The following NEIL1 variants were observed in gnomAD, a reference collection of about 807,000 sequenced individuals.
NEIL1 encodes endonuclease 8-like 1.
NEIL1 carries 31 observed loss-of-function variants against 44.2 expected under a neutral mutation model. That is an observed-to-expected ratio of 0.70 (90% CI 0.53 to 0.95). The LOEUF (loss-of-function observed/expected upper bound fraction) is 0.95, where lower values mean the gene tolerates loss of function less well. Ranked by LOEUF, NEIL1 falls within the 40% of genes least tolerant of loss-of-function variation. The pLI, the probability that NEIL1 is intolerant of heterozygous loss-of-function variation, is 0.00. For missense variants in NEIL1, 549 were observed against 515.5 expected, an observed-to-expected ratio of 1.07 and a Z score of -0.63; for synonymous variants, 254 against 209.7, an observed-to-expected ratio of 1.21 and a Z score of -1.83.
chr15:75,349,245 T>TTCG lies in NEIL1; in HGVS notation c.342_344dup (p.Val115dup). 1.9e-6 allele frequency: 3 copies of TTCG among 1,611,118 alleles called. No homozygotes were observed. The highest frequency in any genetic ancestry group is 2.5e-6 in the Non-Finnish European group (3 of 1,179,864). Reference sequence around the variant, plus strand: ...GCCTGGCCCCCGGCTCGCCCTATGTTTCGTGGACATCCGCCGGTTCGGCCG... The same window carrying TTCG: ...GCCTGGCCCCCGGCTCGCCCTATGTTTCGTCGTGGACATCCGCCGGTTCGGCCG... On this transcript the variant is annotated inframe_insertion, in exon 2 of 10. Coordinates refer to ENST00000355059, the MANE Select transcript of NEIL1 (RefSeq NM_024608.4).
chr15:75,352,600 A>C lies in NEIL1; in HGVS notation c.619-2A>C, dbSNP rs2072004227. ...CAGGTCCTGCCCCTGCCCCTTCCTC[A>C]GAGCCCGGAGCTGACCCTGAGCCAG... On this transcript the variant is annotated splice_acceptor_variant, in intron 4 of 9. Coordinates refer to ENST00000355059, the MANE Select transcript of NEIL1 (RefSeq NM_024608.4). LOFTEE classifies it high-confidence loss of function. The C allele has an allele frequency of 6.2e-7, 1 of 1,612,480 alleles. No homozygotes were observed. The highest frequency in any genetic ancestry group is 2.2e-5 in the East Asian group (1 of 44,730).
At position 75,354,703 on chromosome 15, in the gene NEIL1, A is replaced by T; in HGVS notation, c.987A>T (p.Arg329Ser). ...CTTCCAGGACACGAAGGGCAAAGAG[A>T]GACCTTCCTAAGAGGACTGCAACCC... ...KAPSRTRRAKRDLPKRTATQR... is the reference protein window; with the variant it reads ...KAPSRTRRAKSDLPKRTATQR... The change falls in exon 9 of 10, where the codon AGA becomes AGT. Residue 329 changes from arginine to serine, a missense_variant. Transcript: ENST00000355059. 1 of 1,614,146 alleles carries T rather than the reference A, an allele frequency of 6.2e-7. No individual in the cohort carries two copies. The highest frequency in any genetic ancestry group is 1.1e-5 in the South Asian group (1 of 91,076).
At chr15:75,348,852 C>G in intron 1 of NEIL1, 32 bp from the exon 2 acceptor site, 1 of 1,586,460 alleles carries the variant, frequency 6.3e-7, no homozygotes, top group Non-Finnish European at 8.6e-7. Flanking sequence ...AAGTCCACAC[C>G]GGGCTCAACC....
chr15:75,352,252 T>C (rs1323797527), intron 3 of NEIL1, 22 bp downstream of exon 3: 1 of 1,614,218 alleles, frequency 6.2e-7, no homozygotes, highest in South Asian at 1.1e-5. Context: ...GGCATGGGCA[T>C]GGGGACTGCG....
intron 5 of NEIL1, chr15:75,353,398 A>AT (rs34765858): frequency 5.0e-5 from 17 of 338,802 alleles, no homozygotes; most frequent in African/African-American, 1.5e-4. Flanking sequence ...ATTGTTAAAA[A>AT]TTTTTTTTGT....
At position 75,349,710 on chromosome 15, in the gene NEIL1, A is replaced by G. The variant is rs138801567; in HGVS notation, c.434+371A>G. 5 of 217,146 alleles carry G rather than the reference A, an allele frequency of 2.3e-5. No homozygotes were observed. In the East Asian group the frequency reaches 5.4e-4, roughly 24 times the overall value. 13.5% of individuals were successfully genotyped at this position (217,146 alleles called of 1,614,324 possible). On this transcript the variant is annotated intron_variant, in intron 2 of 9. Transcript: ENST00000355059. ...ATGCCTGTAACCCCAGCTACTTGGG[A>G]GGCTGAGGCAGGAAAAGCGCTTGAG...
In NEIL1 at chr15:75,356,828, G is replaced by T. The variant is rs142107948; in HGVS notation, c.*1794G>T. The stretch of plus-strand genomic sequence containing the variant: ...TGAGGATGCTGCCTCGCACTGACGC[G>T]CCATACTTGCAGTCGTTGAGCAGGG... On this transcript the variant is annotated 3_prime_UTR_variant, in exon 10 of 10. Transcript: ENST00000355059. The surrounding 1 kb of genome is among the most constrained non-coding windows in gnomAD (Gnocchi z 5.8). 10 of 1,613,962 alleles carry T rather than the reference G, an allele frequency of 6.2e-6. No individual in the cohort carries two copies. Among genetic ancestry groups the T allele is most frequent in the Non-Finnish European group, 8.5e-6 (10 of 1,180,046 alleles).
chr15:75,354,485 G>A lies in NEIL1; in HGVS notation c.929G>A (p.Arg310Lys), dbSNP rs1299255364. The A allele has an allele frequency of 1.2e-6, 2 of 1,614,198 alleles. No homozygotes were observed. Among genetic ancestry groups the A allele is most frequent in the East Asian group, 2.2e-5 (1 of 44,880 alleles). Reference sequence around the variant, plus strand: ...GCCACACAGCTGAGTCCTGAGGACAGAGTGGAGGTATGGCTGCCTGCTCCC... The same window carrying A: ...GCCACACAGCTGAGTCCTGAGGACAAAGTGGAGGTATGGCTGCCTGCTCCC... ...SKATQLSPED[R>K]VEDALPPSKA... The change falls in exon 8 of 10, where the codon AGA becomes AAA. Residue 310 changes from arginine (R) to lysine (K), a missense_variant. Transcript: ENST00000355059.
intron 2 of NEIL1, 185 bp downstream of exon 2, chr15:75,349,524 C>T (rs1219200199): frequency 6.4e-6 from 4 of 624,276 alleles, no homozygotes; most frequent in African/African-American, 1.8e-5. Context: ...AAACTCAAAA[C>T]TAATTGGGGG....
intron 2 of NEIL1, chr15:75,349,746 C>A (rs376781885): frequency 2.0e-4 from 41 of 205,872 alleles, no homozygotes; most frequent in African/African-American, 8.7e-4. Context: ...CCGGTGAGGC[C>A]GGGGTTGCAG....
In NEIL1 at chr15:75,356,015, C is replaced by T. The variant is rs199637132; in HGVS notation, c.*981C>T. ...GGTCAAGTGGCCAGCAGGGTCTGGT[C>T]GCTCCAAGAGATCGCAGCTGGAGAA... On this transcript the variant is annotated 3_prime_UTR_variant, in exon 10 of 10. Coordinates refer to ENST00000355059, the MANE Select transcript of NEIL1 (RefSeq NM_024608.4). This position sits in a 1 kb window ranked among gnomAD's most constrained non-coding sequence, Gnocchi z 5.8. 5.0e-6 allele frequency: 8 copies of T among 1,613,782 alleles called. No homozygotes were observed. Among genetic ancestry groups the T allele is most frequent in the South Asian group, 2.2e-5 (2 of 91,036 alleles).
At position 75,355,979 on chromosome 15, in the gene NEIL1, T is replaced by C. The variant is rs2072279501; in HGVS notation, c.*945T>C. On this transcript the variant is annotated 3_prime_UTR_variant, in exon 10 of 10. Transcript: ENST00000355059. The stretch of plus-strand genomic sequence containing the variant: ...GGGAGAAAAGGTGAGCTTCAGGCGG[T>C]TGTCCCGAAGGGTCAAGTGGCCAGC... 2 of 1,613,792 alleles carry C rather than the reference T, an allele frequency of 1.2e-6. No individual in the cohort carries two copies. Among genetic ancestry groups the C allele is most frequent in the East Asian group, 2.2e-5 (1 of 44,860 alleles).
Position 75,356,396 on chromosome 15 carries a change from G to T in NEIL1, c.*1362G>T, listed in dbSNP as rs1213549309. 1.9e-6 allele frequency: 3 copies of T among 1,610,566 alleles called. No individual in the cohort carries two copies. The highest frequency in any genetic ancestry group is 4.5e-5 in the East Asian group (2 of 44,792). ...GGGCTGGGGGCTGGCAGAGCCAACA[G>T]GGGGAAGTTTAGGCTGTAGGCAGCT... On this transcript the variant is annotated 3_prime_UTR_variant, in exon 10 of 10. Coordinates refer to ENST00000355059, the MANE Select transcript of NEIL1 (RefSeq NM_024608.4). The surrounding 1 kb of genome is among the most constrained non-coding windows in gnomAD (Gnocchi z 5.8).
At chr15:75,348,475 G>A in intron 1 of NEIL1, 4 of 1,038,310 alleles carry the variant, frequency 3.9e-6, no homozygotes, top group Non-Finnish European at 4.6e-6. Flanking sequence ...TGCTCCCTCA[G>A]ATGGGGGGTC....
chr15:75,352,809 A>G, intron 5 of NEIL1, 108 bp downstream of exon 5: 2 of 878,152 alleles, frequency 2.3e-6, no homozygotes, highest in Non-Finnish European at 3.7e-6. Context: ...TTGTAGCCCT[A>G]GCTGATACTC....
intron 5 of NEIL1, 85 bp downstream of exon 5, chr15:75,352,786 C>A: frequency 2.7e-6 from 3 of 1,115,098 alleles, no homozygotes; most frequent in Admixed American, 4.0e-5. Flanking sequence ...ACCTGATTCA[C>A]CGATTTGGAA....
chr15:75,357,066 C>G lies in NEIL1; in HGVS notation c.*2032C>G. The G allele has an allele frequency of 1.7e-6, 1 of 605,162 alleles. No homozygotes were observed. Among genetic ancestry groups the G allele is most frequent in the Non-Finnish European group, 3.0e-6 (1 of 337,800 alleles). The allele number at this position is 605,162 out of a possible 1,614,324, so 37.5% of individuals were successfully genotyped here. ...GGGCATGCCACCCAACCTGCCTAAG[C>G]CTCAGTTTCCTTATCTGTGAAACGG... On this transcript the variant is annotated 3_prime_UTR_variant, in exon 10 of 10. Transcript: ENST00000355059.
rs1168683740 is a variant in NEIL1 at position 75,355,669 on chromosome 15, G to A, written c.*635G>A. ...CTGTGGGGGCTGCAACCCAGACCCTGCACGCACAGGTACCTTAGGATCTTG... is the reference window on the plus strand; with the variant it reads ...CTGTGGGGGCTGCAACCCAGACCCTACACGCACAGGTACCTTAGGATCTTG... On this transcript the variant is annotated 3_prime_UTR_variant, in exon 10 of 10. Coordinates refer to ENST00000355059, the MANE Select transcript of NEIL1 (RefSeq NM_024608.4). The A allele has an allele frequency of 3.9e-6, 2 of 514,062 alleles. No individual in the cohort carries two copies. The highest frequency in any genetic ancestry group is 1.9e-5 in the African/African-American group (1 of 51,826). 31.8% of individuals were successfully genotyped at this position (514,062 alleles called of 1,614,324 possible).
chr15:75,354,346 C>T lies in NEIL1; in HGVS notation c.874+69C>T, dbSNP rs550297123. 141 of 1,611,086 alleles carry T rather than the reference C, an allele frequency of 8.8e-5. 1 individual carries two copies. The South Asian group carries it at 1.4e-3, about 15-fold the overall frequency. On this transcript the variant is annotated intron_variant, in intron 7 of 9. Coordinates refer to ENST00000355059, the MANE Select transcript of NEIL1 (RefSeq NM_024608.4). ...TTCACGCCTGCAAGGGCTACAGCACCCTTCTCCACCCTATCCCCCTGCAAC... is the reference window on the plus strand; with the variant it reads ...TTCACGCCTGCAAGGGCTACAGCACTCTTCTCCACCCTATCCCCCTGCAAC...
Sources: allele counts gnomAD v4.1 joint callset, GRCh38; gene constraint gnomAD v4.1.1; non-coding constraint Gnocchi (gnomAD v3.1); transcripts MANE v1.5; gene names NCBI Gene and HGNC (gene_info 2026-07-23, HGNC 2026-07-21).